The following NRXN3 variants were observed in gnomAD, a reference collection of about 807,000 sequenced individuals.
NRXN3 encodes neurexin III.
In NRXN3, 32 loss-of-function variants were observed where a neutral mutation model predicts 137.6. The observed-to-expected ratio is 0.23, with a 90% CI of 0.18 to 0.31. The LOEUF (loss-of-function observed/expected upper bound fraction) is 0.31. NRXN3 is among the 10% of genes least tolerant of loss of function. The pLI, the probability that NRXN3 is intolerant of heterozygous loss-of-function variation, is 1.00. For synonymous variants in NRXN3, 798 were observed against 784.5 expected, an observed-to-expected ratio of 1.02 and a Z score of -0.29; for missense variants, 1,574 against 2,062.5, an observed-to-expected ratio of 0.76 and a Z score of 4.59.
intron 16 of NRXN3, among the ~76,000 whole-genome samples, chr14:79,555,354 C>A (rs1422419285): frequency 2.0e-5 from 3 of 152,088 alleles, no homozygotes; most frequent in African/African-American, 7.2e-5. Flanking sequence ...ACTTTATATA[C>A]ACTACTTGGT....
intron 15 of NRXN3, among the ~76,000 whole-genome samples, chr14:79,336,819 T>G (rs1344287400): frequency 3.3e-5 from 5 of 152,168 alleles, no homozygotes; most frequent in Non-Finnish European, 7.4e-5. Flanking sequence ...CATTCTTACT[T>G]TCTGGTAGCT....
At chr14:79,661,294 T>G (rs557917694) in intron 16 of NRXN3, among the ~76,000 whole-genome samples, 1 of 152,148 alleles carries the variant, frequency 6.6e-6, no homozygotes, top group African/African-American at 2.4e-5. Flanking sequence ...GACATCATTT[T>G]ATATTGCATA....
intron 4 of NRXN3, among the ~76,000 whole-genome samples, chr14:78,599,254 C>T (rs1023318739): frequency 6.6e-6 from 1 of 152,202 alleles, no homozygotes; most frequent in Non-Finnish European, 1.5e-5. Flanking sequence ...TTCATGGCAT[C>T]GAAGAGGGCA....
At chr14:78,512,952 C>G in intron 4 of NRXN3, among the ~76,000 whole-genome samples, 1 of 152,180 alleles carries the variant, frequency 6.6e-6, no homozygotes, top group Admixed American at 6.5e-5. Flanking sequence ...AGTCCTGCCC[C>G]AGGCTTAGAG....
intron 15 of NRXN3, among the ~76,000 whole-genome samples, chr14:79,370,262 T>TAA (rs1203914878): frequency 6.6e-6 from 1 of 152,076 alleles, no homozygotes; most frequent in Non-Finnish European, 1.5e-5. Context: ...CTCTGTTTTA[T>TAA]AGAACAACCA....
At chr14:79,071,788 T>G (rs1161603600) in intron 15 of NRXN3, among the ~76,000 whole-genome samples, 1 of 152,164 alleles carries the variant, frequency 6.6e-6, no homozygotes, top group African/African-American at 2.4e-5. Context: ...ATCAATAATA[T>G]CTTCATTGCA....
intron 16 of NRXN3, among the ~76,000 whole-genome samples, chr14:79,567,809 C>T (rs113017736): frequency 7.2e-5 from 11 of 152,184 alleles, no homozygotes; most frequent in African/African-American, 2.6e-4. Context: ...TACAGACTTT[C>T]TGGATGTAAG....
chr14:79,712,709 G>A (rs557948562), intron 19 of NRXN3, among the ~76,000 whole-genome samples: 4 of 152,180 alleles, frequency 2.6e-5, no homozygotes, highest in East Asian at 1.9e-4. Flanking sequence ...AAGATAAACC[G>A]ACAGGACTCC....
chr14:78,303,302 C>G (rs542984183), intron 4 of NRXN3, among the ~76,000 whole-genome samples: 6 of 152,096 alleles, frequency 3.9e-5, no homozygotes, highest in Non-Finnish European at 8.8e-5. Flanking sequence ...CCATGTACCT[C>G]TCTAACAATT....
chr14:79,008,351 C>T (rs546918734), intron 15 of NRXN3, among the ~76,000 whole-genome samples: 15 of 152,198 alleles, frequency 9.9e-5, no homozygotes, highest in African/African-American at 3.1e-4. Flanking sequence ...AACATTTTGC[C>T]ACATTTGCTG....
chr14:79,389,905 T>C (rs1355145029), intron 15 of NRXN3, among the ~76,000 whole-genome samples: 1 of 152,222 alleles, frequency 6.6e-6, no homozygotes, highest in Non-Finnish European at 1.5e-5. Flanking sequence ...TTTAAAAAGT[T>C]GTTTCTGAGT....
At chr14:78,350,705 C>A (rs1259617202) in intron 4 of NRXN3, among the ~76,000 whole-genome samples, 3 of 152,044 alleles carry the variant, frequency 2.0e-5, no homozygotes, top group Non-Finnish European at 4.4e-5. Context: ...GAGGTGGAAA[C>A]ATGAGGCAGG....
In NRXN3 at chr14:79,861,450, C is replaced by T. The variant is rs1425818562; in HGVS notation, c.4202C>T (p.Thr1401Ile). The T allele has an allele frequency of 6.5e-7, 1 of 1,536,750 alleles. No individual in the cohort carries two copies. The highest frequency in any genetic ancestry group is 8.7e-7 in the Non-Finnish European group (1 of 1,147,048). ...PNKVSETSRTTTTSLSPELIR... is the reference protein window; with the variant it reads ...PNKVSETSRTITTSLSPELIR... ...AAAGTCTCCGAAACTAGTAGGACTA[C>T]TACCACATCTTTATCCCCTGAGCTG... The change falls in exon 21 of 21, where the codon ACT (threonine) becomes ATT (isoleucine). Residue 1401 changes from threonine to isoleucine, a missense_variant. Coordinates refer to ENST00000335750, the MANE Select transcript of NRXN3 (RefSeq NM_001330195.2). This position sits in a 1 kb window ranked among gnomAD's most constrained non-coding sequence, Gnocchi z 5.4.
chr14:78,226,742 A>T (rs1315265346), intron 1 of NRXN3, among the ~76,000 whole-genome samples: 1 of 151,722 alleles, frequency 6.6e-6, no homozygotes, highest in African/African-American at 2.4e-5. Flanking sequence ...CTTTTTAATT[A>T]AAAAAAAACT....
chr14:78,378,660 A>G (rs1318120679), intron 4 of NRXN3, among the ~76,000 whole-genome samples: 1 of 152,158 alleles, frequency 6.6e-6, no homozygotes, highest in African/African-American at 2.4e-5. Flanking sequence ...AAAGCTAAAT[A>G]CATACATTAG....
At chr14:79,326,912 A>G (rs936410785) in intron 15 of NRXN3, among the ~76,000 whole-genome samples, 1 of 152,168 alleles carries the variant, frequency 6.6e-6, no homozygotes, top group African/African-American at 2.4e-5. Context: ...CCTGCTCCTG[A>G]TGCCCCATCC....
At position 79,328,236 on chromosome 14, in the gene NRXN3, T is replaced by G. The variant is rs75039134; in HGVS notation, c.3263-138985T>G. On this transcript the variant is annotated intron_variant, in intron 15 of 20. Transcript: ENST00000335750. ...TCACAAAGGTAAGCATGTTTCATTC[T>G]CAAATGAAATACACAAATTTATAAA... is the stretch of plus-strand genomic sequence containing the variant. Among the ~76,000 whole-genome samples the G allele has an allele frequency of 4.8e-3, 732 of 152,326 alleles. 10 individuals are homozygous for G. Among genetic ancestry groups the G allele is most frequent in the African/African-American group, 0.015 (639 of 41,578 alleles).
In NRXN3 at chr14:78,657,495, A is replaced by G. The variant is rs76923367; in HGVS notation, c.1221+6169A>G. Among the ~76,000 whole-genome samples the G allele has an allele frequency of 1.6e-4, 25 of 152,310 alleles. No homozygotes were observed. In the East Asian group the frequency reaches 4.0e-3, roughly 25 times the overall value. On this transcript the variant is annotated intron_variant, in intron 6 of 20. Transcript: ENST00000335750. ...TCTCTCATCTCTCTTTTCTCATGGCATCTCTAATGGGGAGGAAGGAAAAGC... is the reference window on the plus strand; with the variant it reads ...TCTCTCATCTCTCTTTTCTCATGGCGTCTCTAATGGGGAGGAAGGAAAAGC...
At chr14:78,583,417 C>A (rs2097024746) in intron 4 of NRXN3, among the ~76,000 whole-genome samples, 2 of 149,742 alleles carry the variant, frequency 1.3e-5, no homozygotes, top group African/African-American at 2.5e-5. Context: ...TGAAAAAAAC[C>A]TCAATCTATC....
Sources: gnomAD v4.1 joint callset for allele counts (sites outside exome capture counted in the v4.1 genomes callset) on GRCh38, gnomAD v4.1.1 for gene constraint, Gnocchi (gnomAD v3.1) non-coding constraint, MANE v1.5 for transcripts, NCBI Gene and HGNC (gene_info 2026-07-23, HGNC 2026-07-21) for gene names.